Variants in LAMC2 observed in about 807,000 individuals in gnomAD.
LAMC2 encodes the protein laminin subunit gamma-2.
In LAMC2, 97 loss-of-function variants were observed where a neutral mutation model predicts 140.2. That is an observed-to-expected ratio of 0.69 (90% CI 0.59 to 0.82). The LOEUF (loss-of-function observed/expected upper bound fraction) is 0.82, where lower values mean the gene tolerates loss of function less well. Among genes scored for constraint, LAMC2 ranks in the 40% least tolerant of loss-of-function variants. The probability of loss-of-function intolerance (pLI) is 0.00; values close to 1 mark genes in which losing one functional copy is unlikely to be tolerated. For synonymous variants in LAMC2, 513 were observed against 540.2 expected (o/e 0.95, Z 0.70); for missense variants, 1,402 against 1,476.1 (o/e 0.95, Z 0.82).
At chr1:183,194,821 G>A (rs2102171097) in intron 1 of LAMC2, among the ~76,000 whole-genome samples, 1 of 152,310 alleles carries the variant, frequency 6.6e-6, no homozygotes, top group Admixed American at 6.5e-5. Context: ...ACAGTTAAAT[G>A]TCCTTTCTAT....
In LAMC2 at chr1:183,240,133, G is replaced by T; in HGVS notation, c.3163G>T (p.Glu1055Ter). ...GLASLKSEMR[E>*]VEGELERKEL... is the part of the protein sequence containing the mutation. ...GGCCTCTCTGAAGAGTGAGATGAGG[G>T]AAGTGGAAGGAGAGCTGGAAAGGAA... Residue 1055 changes from glutamate to a stop codon, truncating the protein, a stop_gained, in exon 21 of 23, where the codon GAA becomes TAA. Coordinates refer to ENST00000264144, the MANE Select transcript of LAMC2 (RefSeq NM_005562.3). LOFTEE classifies it high-confidence loss of function. The T allele has an allele frequency of 1.2e-6, 2 of 1,614,238 alleles. No individual in the cohort carries two copies. The highest frequency in any genetic ancestry group is 1.7e-6 in the Non-Finnish European group (2 of 1,180,042).
chr1:183,248,707 C>T (rs1660290549), downstream of LAMC2: 1 of 152,216 alleles, frequency 6.6e-6, no homozygotes, highest in Non-Finnish European at 1.5e-5. Context: ...CTAAGGTGTC[C>T]TAATTGTATG....
In LAMC2 at chr1:183,215,757, G is replaced by C. The variant is rs181284682; in HGVS notation, c.404+169G>C. Among the ~76,000 whole-genome samples, 159 of 152,262 alleles carry C rather than the reference G, an allele frequency of 1.0e-3. 1 individual carries two copies. The highest frequency in any genetic ancestry group is 3.6e-3 in the African/African-American group (151 of 41,548). ...CCTCACAATACCCCTAAGAGGTTGG[G>C]ATTATCATTATATGCATTTCAAAGA... On this transcript the variant is annotated intron_variant, in intron 3 of 22. Coordinates refer to ENST00000264144, the MANE Select transcript of LAMC2 (RefSeq NM_005562.3).
chr1:183,237,527 A>C, intron 18 of LAMC2, 23 bp downstream of exon 18: 1 of 1,597,950 alleles, frequency 6.3e-7, no homozygotes, highest in South Asian at 1.1e-5. Flanking sequence ...TAATTCATTC[A>C]CTCAATAAAG....
Position 183,239,576 on chromosome 1 carries a change from C to A in LAMC2, c.3069+13C>A, listed in dbSNP as rs770148792. Reference sequence around the variant, plus strand: ...TGAGATTGAACAGGTAAAGAGAAATCGACATGTGTGTTGGTGCCAGTAGCA... The same window carrying A: ...TGAGATTGAACAGGTAAAGAGAAATAGACATGTGTGTTGGTGCCAGTAGCA... On this transcript the variant is annotated intron_variant, in intron 20 of 22. Coordinates refer to ENST00000264144, the MANE Select transcript of LAMC2 (RefSeq NM_005562.3). 1.2e-6 allele frequency: 2 copies of A among 1,608,888 alleles called. No individual in the cohort carries two copies. The highest frequency in any genetic ancestry group is 1.7e-6 in the Non-Finnish European group (2 of 1,176,458).
chr1:183,200,711 G>A (rs1658679621), intron 1 of LAMC2, among the ~76,000 whole-genome samples: 1 of 152,074 alleles, frequency 6.6e-6, no homozygotes, highest in Non-Finnish European at 1.5e-5. Flanking sequence ...TGTGAAGTGA[G>A]CCCGAGGGAT....
At chr1:183,240,511 A>G (rs748077653) in intron 22 of LAMC2, 120 bp downstream of exon 22, 26 of 1,487,312 alleles carry the variant, frequency 1.7e-5, no homozygotes, top group Non-Finnish European at 1.9e-5. Flanking sequence ...ATATCAGTAA[A>G]TGTGCTTTGT....
intron 1 of LAMC2, among the ~76,000 whole-genome samples, chr1:183,197,904 T>C (rs987783964): frequency 6.6e-6 from 1 of 151,148 alleles, no homozygotes; most frequent in Non-Finnish European, 1.5e-5. Context: ...ACATTTAGAG[T>C]AGGGGTAAGG....
In LAMC2 at chr1:183,223,286, G is replaced by A; in HGVS notation, c.915G>A (p.Lys305=). 1.2e-6 allele frequency: 2 copies of A among 1,614,214 alleles called. No individual in the cohort carries two copies. The highest frequency in any genetic ancestry group is 1.7e-6 in the Non-Finnish European group (2 of 1,180,050). Residue 305 remains lysine, a synonymous_variant, in exon 7 of 23, where the codon AAG becomes AAA. Coordinates refer to ENST00000264144, the MANE Select transcript of LAMC2 (RefSeq NM_005562.3). ...CAGCTCCCTTGATGCCACTTGGCAAGACACTGCCTTGTGGGCTCACCAAGA... is the reference window on the plus strand; with the variant it reads ...CAGCTCCCTTGATGCCACTTGGCAAAACACTGCCTTGTGGGCTCACCAAGA... The part of the protein sequence containing the change: ...RITAPLMPLG[K]TLPCGLTKTY...
rs1045645839 is a variant in LAMC2 at position 183,186,461 on chromosome 1, A to C, written c.79+30A>C. 6.3e-6 allele frequency: 10 copies of C among 1,598,192 alleles called. No individual in the cohort carries two copies. In the African/African-American group the frequency reaches 8.0e-5, roughly 13 times the overall value. On this transcript the variant is annotated intron_variant, in intron 1 of 22. Transcript: ENST00000264144. ...GTCGGCTTCCACAAGGAAACATCTC[A>C]GCCCTGGGCTGAGAATCTGCCTTTC...
intron 22 of LAMC2, among the ~76,000 whole-genome samples, chr1:183,242,631 G>A (rs1660160637): frequency 6.6e-6 from 1 of 152,178 alleles, no homozygotes; most frequent in African/African-American, 2.4e-5. Flanking sequence ...TCTAGCAGCT[G>A]GAATCCATTC....
rs1159161006 is a variant in LAMC2, at chr1:183,245,100, G to A, written c.*1700G>A. 6.6e-6 allele frequency among the ~76,000 whole-genome samples: 1 copy of A among 152,178 alleles called. No individual in the cohort carries two copies. Among genetic ancestry groups the A allele is most frequent in the Non-Finnish European group, 1.5e-5 (1 of 68,040 alleles). ...GAGATTTTTATGAGGTTTAACTGAT[G>A]CTGTCTTCTAAGCATAAAGCTTTAT... On this transcript the variant is annotated 3_prime_UTR_variant, in exon 23 of 23. Transcript: ENST00000264144.
chr1:183,246,810 A>G (rs1164410490), downstream of LAMC2, among the ~76,000 whole-genome samples: 2 of 152,178 alleles, frequency 1.3e-5, no homozygotes, highest in Non-Finnish European at 2.9e-5. Flanking sequence ...GCTGTGGTTC[A>G]ATTTTCCCAC....
chr1:183,253,716 A>G, the LAMC2 span, among the ~76,000 whole-genome samples: 5 of 152,084 alleles, frequency 3.3e-5, no homozygotes, highest in East Asian at 9.6e-4. Context: ...TCAGCCCTCC[A>G]CACTTGACCC....
rs1571521519 is a variant in LAMC2 at position 183,218,603 on chromosome 1, C to A, written c.503+115C>A. 1.6e-5 allele frequency: 13 copies of A among 798,394 alleles called. No individual in the cohort carries two copies. In the East Asian group the frequency reaches 3.2e-4, roughly 20 times the overall value. 49.5% of individuals were successfully genotyped at this position (798,394 alleles called of 1,614,324 possible). ...GGGATACTTGACAAACGTTGATGAC[C>A]TTCTTCCTGCTCTCTGTCCTCAAAA... On this transcript the variant is annotated intron_variant, in intron 4 of 22. Coordinates refer to ENST00000264144, the MANE Select transcript of LAMC2 (RefSeq NM_005562.3).
At chr1:183,246,169 CAA>C (rs542775179), downstream of LAMC2, among the ~76,000 whole-genome samples, 12 of 75,656 alleles carry the variant, frequency 1.6e-4, no homozygotes, top group Admixed American at 2.8e-4. Context: ...GACTCCGTCT[CAA>C]AAAAAAAAAA....
chr1:183,205,897 T>A (rs541529891), intron 1 of LAMC2, among the ~76,000 whole-genome samples: 1 of 152,052 alleles, frequency 6.6e-6, no homozygotes, highest in Admixed American at 6.6e-5. Context: ...AAACACATGA[T>A]GAAAATTACA....
chr1:183,221,739 CA>C (rs1659478982), intron 5 of LAMC2, among the ~76,000 whole-genome samples: 1 of 149,032 alleles, frequency 6.7e-6, no homozygotes, highest in African/African-American at 2.5e-5. Flanking sequence ...AAAAAAAAAA[CA>C]AATGAAAAAA....
At position 183,219,164 on chromosome 1, in the gene LAMC2, T is replaced by A. The variant is rs188946026; in HGVS notation, c.503+676T>A. On this transcript the variant is annotated intron_variant, in intron 4 of 22. Transcript: ENST00000264144. ...TGAGCAGAGGGCTGTGAGGCTGGCGTCAGAAGCAAAGGCTTCCTCCTCATT... is the reference window on the plus strand; with the variant it reads ...TGAGCAGAGGGCTGTGAGGCTGGCGACAGAAGCAAAGGCTTCCTCCTCATT... Among the ~76,000 whole-genome samples, 32 of 152,260 alleles carry A rather than the reference T, an allele frequency of 2.1e-4. No homozygotes were observed. The East Asian group carries it at 6.0e-3, about 29-fold the overall frequency.
Sources: gnomAD v4.1 joint callset for allele counts (sites outside exome capture counted in the v4.1 genomes callset) on GRCh38, gnomAD v4.1.1 for gene constraint, MANE v1.5 for transcripts, NCBI Gene and HGNC (gene_info 2026-07-23, HGNC 2026-07-21) for gene names.